Variants in COL4A2 observed in about 807,000 individuals in gnomAD.
The protein encoded by COL4A2 is collagen type IV alpha 2 chain, also known as collagen alpha-2(IV) chain.
COL4A2 carries 99 observed loss-of-function variants against 200.2 expected under a neutral mutation model. That is an observed-to-expected ratio of 0.49 (90% confidence interval 0.42 to 0.58). COL4A2 has a LOEUF of 0.58. COL4A2 is among the 20% of genes least tolerant of loss of function. The pLI, the probability that COL4A2 is intolerant of heterozygous loss-of-function variation, is 0.00. For synonymous variants in COL4A2, 897 were observed against 900.6 expected (o/e 1.00, Z 0.07); for missense variants, 1,950 against 2,314.1 (o/e 0.84, Z 3.23).
chr13:110,472,526 T>A (rs1055581254), intron 28 of COL4A2, among the ~76,000 whole-genome samples: 4 of 152,122 alleles, frequency 2.6e-5, no homozygotes, highest in Non-Finnish European at 4.4e-5. Flanking sequence ...CCCTGTTCGT[T>A]CCTGCCTCCC....
At chr13:110,464,210 G>T (rs1426589954) in intron 24 of COL4A2, among the ~76,000 whole-genome samples, 1 of 152,174 alleles carries the variant, frequency 6.6e-6, no homozygotes, top group Non-Finnish European at 1.5e-5. Flanking sequence ...CACCCCTGCG[G>T]CTCCCAAGCC....
intron 19 of COL4A2, among the ~76,000 whole-genome samples, 186 bp from the exon 20 acceptor site, chr13:110,450,119 C>A (rs1431022950): frequency 6.6e-6 from 1 of 152,146 alleles, no homozygotes; most frequent in Non-Finnish European, 1.5e-5. Context: ...ATTTGAGGGG[C>A]AAGGAGAGGG....
rs1594113986 is a variant in COL4A2, at chr13:110,503,895, A to G, written c.4187A>G (p.Lys1396Arg). ...CCCGGGATTGCAGGAATCCCCCAGAAGATTGCCGTCCAACCAGGGACAGTG... is the reference window on the plus strand; with the variant it reads ...CCCGGGATTGCAGGAATCCCCCAGAGGATTGCCGTCCAACCAGGGACAGTG... ...GAPGIAGIPQ[K>R]IAVQPGTVGP... The change falls in exon 44 of 48, where the codon AAG becomes AGG. Residue 1396 changes from lysine to arginine, a missense_variant. Around this residue, in one of 2 missense-constraint regions of COL4A2, gnomAD observed 1,385 missense variants for 1,720.5 expected, o/e 0.80. Coordinates refer to ENST00000360467, the MANE Select transcript of COL4A2 (RefSeq NM_001846.4). 1 of 1,613,528 alleles carries G rather than the reference A, an allele frequency of 6.2e-7. No homozygotes were observed. The highest frequency in any genetic ancestry group is 8.5e-7 in the Non-Finnish European group (1 of 1,179,670).
intron 4 of COL4A2, among the ~76,000 whole-genome samples, chr13:110,357,913 G>A (rs1271068634): frequency 6.6e-6 from 1 of 152,206 alleles, no homozygotes; most frequent in Non-Finnish European, 1.5e-5. Flanking sequence ...GTCTGCGTTG[G>A]GGAGTGCGGG....
intron 29 of COL4A2, 27 bp downstream of exon 29, chr13:110,473,177 G>T (rs566552032): frequency 1.2e-4 from 181 of 1,546,882 alleles, no homozygotes; most frequent in Non-Finnish European, 1.5e-4. Context: ...GGAGCCGGGG[G>T]CCCCATCCCA....
Position 110,308,090 on chromosome 13 carries a change from G to C in COL4A2, c.66G>C (p.Val22=). The C allele has an allele frequency of 6.2e-7, 1 of 1,613,896 alleles. No individual in the cohort carries two copies. Among genetic ancestry groups the C allele is most frequent in the South Asian group, 1.1e-5 (1 of 91,086 alleles). Residue 22 remains valine (V), a synonymous_variant, in exon 3 of 48, where the codon GTG becomes GTC. Coordinates refer to ENST00000360467, the MANE Select transcript of COL4A2 (RefSeq NM_001846.4). ...ALRRWLLLGT[V]TVGFLAQSVL... The stretch of plus-strand genomic sequence containing the variant: ...GCAGGTGGCTGCTGCTGGGGACAGT[G>C]ACCGTGGGGTTCCTCGCCCAGAGCG...
chr13:110,473,446 GCTCA>G, intron 29 of COL4A2: 1 of 368,006 alleles, frequency 2.7e-6, no homozygotes, highest in Non-Finnish European at 4.9e-6. Context: ...GCCGTGACAG[GCTCA>G]CTGTTTGTCT....
chr13:110,510,759 C>T (rs1884057549), intron 47 of COL4A2, among the ~76,000 whole-genome samples: 1 of 152,264 alleles, frequency 6.6e-6, no homozygotes, highest in Admixed American at 6.5e-5. Context: ...AGACTTCTCA[C>T]ATTGTGCTCC....
intron 27 of COL4A2, chr13:110,468,411 C>A: frequency 2.2e-6 from 1 of 447,048 alleles, no homozygotes; most frequent in Non-Finnish European, 4.7e-6. Context: ...TCAGGGAGAA[C>A]CAGAGGCCAG....
chr13:110,461,931 C>G, intron 22 of COL4A2, 183 bp from the exon 23 acceptor site: 2 of 794,114 alleles, frequency 2.5e-6, no homozygotes, highest in Non-Finnish European at 3.9e-6. Flanking sequence ...TGGCCAGTGG[C>G]CCCACACTGG....
At position 110,313,199 on chromosome 13, in the gene COL4A2, G is replaced by C. The variant is rs1482937363; in HGVS notation, c.99+5076G>C. On this transcript the variant is annotated intron_variant, in intron 3 of 47. Coordinates refer to ENST00000360467, the MANE Select transcript of COL4A2 (RefSeq NM_001846.4). Reference sequence around the variant, plus strand: ...AGGAAAAGGGCAGAGTTCCTGGATAGTCCCCTCTTGCTGTTTCCCTCTGGT... The same window carrying C: ...AGGAAAAGGGCAGAGTTCCTGGATACTCCCCTCTTGCTGTTTCCCTCTGGT... 3.9e-5 allele frequency among the ~76,000 whole-genome samples: 6 copies of C among 152,188 alleles called. No homozygotes were observed. The South Asian group carries it at 6.2e-4, about 16-fold the overall frequency.
intron 16 of COL4A2, 68 bp from the exon 17 acceptor site, chr13:110,445,757 TAATG>T: frequency 1.0e-5 from 16 of 1,546,542 alleles, no homozygotes; most frequent in Non-Finnish European, 1.3e-5. Flanking sequence ...TGAGATATAA[TAATG>T]CCATTGCAGT....
At chr13:110,308,169 T>A in intron 3 of COL4A2, 46 bp downstream of exon 3, 1 of 1,609,172 alleles carries the variant, frequency 6.2e-7, no homozygotes, top group Non-Finnish European at 8.5e-7. Flanking sequence ...CGAGAGTGGT[T>A]GGGACGTTTG....
intron 4 of COL4A2, among the ~76,000 whole-genome samples, chr13:110,366,879 C>T (rs1202506020): frequency 6.6e-6 from 1 of 152,230 alleles, no homozygotes; most frequent in Non-Finnish European, 1.5e-5. Context: ...GAGCTGCCTG[C>T]ACTTCTGAGC....
chr13:110,352,703 G>A (rs1317386680), intron 3 of COL4A2, among the ~76,000 whole-genome samples: 4 of 151,944 alleles, frequency 2.6e-5, no homozygotes, highest in Admixed American at 6.6e-5. Context: ...CGGTGGTCCC[G>A]AGTTCCCTGG....
At chr13:110,509,278 C>T (rs868701480) in intron 47 of COL4A2, among the ~76,000 whole-genome samples, 1,326 of 82,732 alleles carry the variant, frequency 0.016, 11 homozygotes, top group African/African-American at 0.021. Context: ...TATACACACA[C>T]ACACACACAC....
chr13:110,497,020 G>A (rs1267194290), intron 40 of COL4A2, among the ~76,000 whole-genome samples: 1 of 150,524 alleles, frequency 6.6e-6, no homozygotes, highest in Non-Finnish European at 1.5e-5. Context: ...CCTCAGTCAG[G>A]GGTGAGGATC....
At chr13:110,478,261 A>G (rs1882769521) in intron 30 of COL4A2, 97 bp downstream of exon 30, 4 of 1,264,204 alleles carry the variant, frequency 3.2e-6, no homozygotes, top group South Asian at 1.8e-5. Context: ...AGTCTGTTCC[A>G]TGGAACCCCT....
intron 4 of COL4A2, among the ~76,000 whole-genome samples, chr13:110,424,515 G>A (rs1365300826): frequency 6.9e-6 from 1 of 144,238 alleles, no homozygotes; most frequent in African/African-American, 2.5e-5. Context: ...TAGTAATTTA[G>A]GATAATTTTT....
Sources: allele counts gnomAD v4.1 joint callset (sites outside exome capture counted in the v4.1 genomes callset), GRCh38; gene constraint gnomAD v4.1.1; regional missense constraint gnomAD v4.1.1; transcripts MANE v1.5; gene names NCBI Gene and HGNC (gene_info 2026-07-23, HGNC 2026-07-21).